ADAMTSL2: variants seen among roughly 807,000 people sequenced by gnomAD.
ADAMTSL2 encodes the protein ADAMTS like 2, also known as ADAMTS-like protein 2.
In ADAMTSL2, 55 loss-of-function variants were observed where a neutral mutation model predicts 117.0. The observed-to-expected ratio is 0.47, with a 90% CI of 0.38 to 0.59. The LOEUF is 0.59. ADAMTSL2 is among the 20% of genes least tolerant of loss of function. The pLI is 0.00. For missense variants in ADAMTSL2, 1,182 were observed against 1,354.5 expected (o/e 0.87, Z 2.00); for synonymous variants, 572 against 566.4 (o/e 1.01, Z -0.14).
At chr9:133,539,903 A>G (rs1475658133) in intron 5 of ADAMTSL2, 30 bp downstream of exon 5, 2 of 1,547,010 alleles carry the variant, frequency 1.3e-6, no homozygotes, top group African/African-American at 2.7e-5. Context: ...CCCACCTTGC[A>G]GGGAGCTGAC....
At chr9:133,537,129 G>A (rs1415496648) in intron 2 of ADAMTSL2, among the ~76,000 whole-genome samples, 1 of 152,198 alleles carries the variant, frequency 6.6e-6, no homozygotes, top group East Asian at 1.9e-4. Flanking sequence ...GGAAAGTGAG[G>A]ACAGTTAGAT....
At chr9:133,545,993 T>G (rs1347118011) in intron 8 of ADAMTSL2, among the ~76,000 whole-genome samples, 1 of 152,136 alleles carries the variant, frequency 6.6e-6, no homozygotes, top group Non-Finnish European at 1.5e-5. Flanking sequence ...TTGCCCCGGC[T>G]CCTCTGTTCA....
chr9:133,555,378 A>G (rs112742440), intron 10 of ADAMTSL2, among the ~76,000 whole-genome samples, 180 bp from the exon 11 acceptor site: 40,414 of 151,936 alleles, frequency 0.27, 5,649 homozygotes, highest in African/African-American at 0.34. Flanking sequence ...TGATCCAGGC[A>G]GGTCTCATGC....
Position 133,568,401 on chromosome 9 carries a change from C to T in ADAMTSL2, c.2003C>T (p.Ala668Val). 6.2e-7 allele frequency: 1 copy of T among 1,607,792 alleles called. No individual in the cohort carries two copies. ...DSSVYSDLCE[A>V]AEAVRPEERK... The stretch of plus-strand genomic sequence containing the variant: ...TCCGTGTACAGCGACCTGTGCGAGG[C>T]AGCCGAGGCCGTGCGGCCCGAGGAA... The change falls in exon 14 of 19, where the codon GCA becomes GTA. Residue 668 changes from alanine to valine, a missense_variant. Physicochemically the swap from Ala to Val is moderately conservative, Grantham distance 64 (BLOSUM62 0). This residue lies in a region of ADAMTSL2 where 465 missense variants were observed against 565.3 expected (regional missense o/e 0.82). Coordinates refer to ENST00000651351, the MANE Select transcript of ADAMTSL2 (RefSeq NM_014694.4).
At chr9:133,572,998 G>T (rs1831146172) in intron 17 of ADAMTSL2, among the ~76,000 whole-genome samples, 1 of 152,214 alleles carries the variant, frequency 6.6e-6, no homozygotes, top group Admixed American at 6.5e-5. Context: ...CCTGCAGACG[G>T]TGCCAGCCCC....
Position 133,551,282 on chromosome 9 carries a change from C to T in ADAMTSL2, c.940-3075C>T, listed in dbSNP as rs78302266. Among the ~76,000 whole-genome samples, 1,216 of 148,140 alleles carry T rather than the reference C, an allele frequency of 8.2e-3. 18 individuals are homozygous for T. Among genetic ancestry groups the T allele is most frequent in the African/African-American group, 0.028 (1,140 of 40,638 alleles). On this transcript the variant is annotated intron_variant, in intron 9 of 18. Transcript: ENST00000651351. ...AGTTTGGCCATTTTTCTCTGCTCTC[C>T]CTTCATCATAAGGGCCCCCCCACAC...
chr9:133,573,689 A>T (rs1172816078), intron 17 of ADAMTSL2, among the ~76,000 whole-genome samples, 154 bp from the exon 18 acceptor site: 1 of 152,198 alleles, frequency 6.6e-6, no homozygotes, highest in African/African-American at 2.4e-5. Context: ...GTCTAGTTTC[A>T]AATGGGCTTC....
intron 9 of ADAMTSL2, among the ~76,000 whole-genome samples, chr9:133,550,082 G>A (rs887300276): frequency 1.3e-5 from 2 of 152,218 alleles, no homozygotes; most frequent in African/African-American, 2.4e-5. Context: ...ACCCACATCC[G>A]CTTTCTAGCT....
chr9:133,534,566 G>A (rs1000128646), upstream of ADAMTSL2: 17 of 1,039,726 alleles, frequency 1.6e-5, no homozygotes, highest in Non-Finnish European at 1.9e-5. Context: ...CGGCCTGGCC[G>A]GGCTCCAGAG....
chr9:133,556,066 C>T (rs1180318152), intron 11 of ADAMTSL2, 136 bp downstream of exon 11: 1 of 1,194,302 alleles, frequency 8.4e-7, no homozygotes, highest in Admixed American at 2.8e-5. Flanking sequence ...AGAGAGGGCC[C>T]CTTCTTCCCG....
intron 12 of ADAMTSL2, among the ~76,000 whole-genome samples, chr9:133,563,258 G>A (rs2131159890): frequency 6.6e-6 from 1 of 152,302 alleles, no homozygotes; most frequent in South Asian, 2.1e-4. Flanking sequence ...CCATACCCAG[G>A]AGCAGCTGGC....
intron 17 of ADAMTSL2, among the ~76,000 whole-genome samples, chr9:133,572,094 G>A (rs1311519505): frequency 6.6e-6 from 1 of 152,214 alleles, no homozygotes; most frequent in Non-Finnish European, 1.5e-5. Flanking sequence ...CTCAGAGATT[G>A]GGGTCCAGGC....
chr9:133,565,800 A>C lies in ADAMTSL2; in HGVS notation c.1748-1136A>C, dbSNP rs902120329. 1.8e-4 allele frequency among the ~76,000 whole-genome samples: 27 copies of C among 151,632 alleles called. No individual in the cohort carries two copies. The South Asian group carries it at 2.1e-3, about 12-fold the overall frequency. On this transcript the variant is annotated intron_variant, in intron 12 of 18. Coordinates refer to ENST00000651351, the MANE Select transcript of ADAMTSL2 (RefSeq NM_014694.4). ...CAGCTGCAGCCAAGACCGTTCCATGATGCCCGTCATCCCGGAAGGCTGGGT... is the reference window on the plus strand; with the variant it reads ...CAGCTGCAGCCAAGACCGTTCCATGCTGCCCGTCATCCCGGAAGGCTGGGT...
chr9:133,562,465 G>T (rs1192994925), intron 12 of ADAMTSL2, among the ~76,000 whole-genome samples: 1 of 142,056 alleles, frequency 7.0e-6, no homozygotes, highest in Non-Finnish European at 1.6e-5. Context: ...GCACCGCCGT[G>T]GGCGGCGTGG....
At chr9:133,574,702 C>T in intron 18 of ADAMTSL2, 44 bp from the exon 19 acceptor site, 1 of 1,571,070 alleles carries the variant, frequency 6.4e-7, no homozygotes, top group Non-Finnish European at 8.8e-7. Context: ...GCCCCTTGGC[C>T]ACCTCCTGAA....
At chr9:133,535,412 C>A (rs1173615511) in intron 1 of ADAMTSL2, among the ~76,000 whole-genome samples, 1 of 151,964 alleles carries the variant, frequency 6.6e-6, no homozygotes, top group East Asian at 1.9e-4. Flanking sequence ...AGGTCAGACT[C>A]AGGCTCCCCA....
intron 6 of ADAMTSL2, 59 bp from the exon 7 acceptor site, chr9:133,540,819 G>A (rs1047402689): frequency 3.0e-5 from 49 of 1,613,018 alleles, no homozygotes; most frequent in East Asian, 1.1e-4. Context: ...AGGCAGTGGC[G>A]GCCCCGGGGC....
intron 17 of ADAMTSL2, among the ~76,000 whole-genome samples, chr9:133,572,697 C>G (rs1831137528): frequency 1.3e-5 from 2 of 152,206 alleles, no homozygotes; most frequent in African/African-American, 4.8e-5. Context: ...ATCCCCCTAG[C>G]CCTGATGAGG....
chr9:133,561,341 T>A, intron 12 of ADAMTSL2, 46 bp downstream of exon 12: 1 of 1,493,956 alleles, frequency 6.7e-7, no homozygotes, highest in South Asian at 1.2e-5. Context: ...CTGAACCCAT[T>A]TCCATGGACA....
Sources: gnomAD v4.1 joint callset for allele counts (sites outside exome capture counted in the v4.1 genomes callset) on GRCh38, gnomAD v4.1.1 for gene constraint, gnomAD v4.1.1 regional missense constraint, MANE v1.5 for transcripts, NCBI Gene and HGNC (gene_info 2026-07-23, HGNC 2026-07-21) for gene names.